The following NUP210L variants were observed in gnomAD, a reference collection of about 807,000 sequenced individuals.
NUP210L encodes nucleoporin 210 like.
NUP210L carries 74 observed loss-of-function variants against 208.5 expected under a neutral mutation model. The observed-to-expected ratio is 0.35, with a 90% CI of 0.29 to 0.43. The LOEUF (loss-of-function observed/expected upper bound fraction) is 0.43. Among genes scored for constraint, NUP210L ranks in the 20% least tolerant of loss-of-function variants. The probability of loss-of-function intolerance (pLI) is 1.00; values close to 1 mark genes in which losing one functional copy is unlikely to be tolerated. For synonymous variants in NUP210L, 780 were observed against 816.9 expected (o/e 0.95, Z 0.77); for missense variants, 1,843 against 2,289.4 (o/e 0.81, Z 3.98).
chr1:154,049,113 T>G (rs1653349960), intron 25 of NUP210L, among the ~76,000 whole-genome samples: 1 of 152,204 alleles, frequency 6.6e-6, no homozygotes, highest in Non-Finnish European at 1.5e-5. Flanking sequence ...TCTACAGCAC[T>G]GGCCATCTGT....
At chr1:154,120,851 A>T (rs1657582352) in intron 10 of NUP210L, among the ~76,000 whole-genome samples, 1 of 145,968 alleles carries the variant, frequency 6.9e-6, no homozygotes, top group African/African-American at 2.5e-5. Flanking sequence ...AGCTGACATC[A>T]CACCATTGCA....
intron 37 of NUP210L, among the ~76,000 whole-genome samples, chr1:154,000,172 G>A (rs1269958563): frequency 6.6e-6 from 1 of 152,054 alleles, no homozygotes; most frequent in African/African-American, 2.4e-5. Context: ...ATAAAATTTA[G>A]GTAGTGTTAA....
At chr1:154,006,006 G>C (rs1461878563) in intron 35 of NUP210L, among the ~76,000 whole-genome samples, 1 of 152,070 alleles carries the variant, frequency 6.6e-6, no homozygotes, top group East Asian at 1.9e-4. Context: ...ACAGGCATGA[G>C]CCACCGCGCC....
intron 16 of NUP210L, among the ~76,000 whole-genome samples, chr1:154,076,294 G>T (rs1248925873): frequency 6.6e-6 from 1 of 151,624 alleles, no homozygotes; most frequent in East Asian, 1.9e-4. Flanking sequence ...AGTAGAGACA[G>T]GGTTTCATCA....
At chr1:154,003,932 G>A (rs1650354676) in intron 35 of NUP210L, among the ~76,000 whole-genome samples, 1 of 152,010 alleles carries the variant, frequency 6.6e-6, no homozygotes, top group Admixed American at 6.6e-5. Context: ...ATGCATGCTT[G>A]GATTATTGCA....
At chr1:154,014,352 A>G (rs1651124881) in intron 33 of NUP210L, among the ~76,000 whole-genome samples, 1 of 152,048 alleles carries the variant, frequency 6.6e-6, no homozygotes, top group Non-Finnish European at 1.5e-5. Flanking sequence ...CTAACACCAC[A>G]ACCATTTCCT....
intron 17 of NUP210L, among the ~76,000 whole-genome samples, chr1:154,063,370 T>G (rs563081041): frequency 6.6e-6 from 1 of 152,274 alleles, no homozygotes; most frequent in Non-Finnish European, 1.5e-5. Context: ...ATGACAAGCT[T>G]TGTCATAGTT....
intron 22 of NUP210L, among the ~76,000 whole-genome samples, chr1:154,057,689 A>AAT (rs1553229326): frequency 1.4e-5 from 1 of 70,346 alleles, no homozygotes; most frequent in Non-Finnish European, 3.4e-5. Context: ...GAGGACCTCG[A>AAT]ATGTGTGTGT....
At chr1:154,088,290 T>A (rs2148042875) in intron 16 of NUP210L, among the ~76,000 whole-genome samples, 1 of 151,372 alleles carries the variant, frequency 6.6e-6, no homozygotes, top group South Asian at 2.1e-4. Flanking sequence ...GATGGTGCCA[T>A]GTGCTCCAGC....
At chr1:154,054,657 G>C in intron 24 of NUP210L, 113 bp downstream of exon 24, 2 of 842,242 alleles carry the variant, frequency 2.4e-6, no homozygotes, top group East Asian at 2.6e-5. Flanking sequence ...AGATCCACTA[G>C]TACTTGGGTG....
intron 15 of NUP210L, among the ~76,000 whole-genome samples, chr1:154,090,215 G>GAAAA (rs61444934): frequency 2.8e-5 from 4 of 140,556 alleles, no homozygotes; most frequent in Non-Finnish European, 6.2e-5. Flanking sequence ...CCTGTCTCAG[G>GAAAA]AAAAAAAAAA....
chr1:154,099,572 A>G, intron 14 of NUP210L, among the ~76,000 whole-genome samples: 1 of 152,294 alleles, frequency 6.6e-6, no homozygotes, highest in South Asian at 2.1e-4. Context: ...AAGATGATTG[A>G]CTTCCTTCCA....
At chr1:154,058,020 GACCAGGT>G (rs1292643945) in intron 22 of NUP210L, 62 bp downstream of exon 22, 6 of 1,538,928 alleles carry the variant, frequency 3.9e-6, no homozygotes, top group Non-Finnish European at 5.3e-6. Flanking sequence ...AGGGAAAGCT[GACCAGGT>G]CACTAGGAGG....
chr1:154,042,122 C>G (rs533267586), intron 27 of NUP210L, among the ~76,000 whole-genome samples: 3 of 151,086 alleles, frequency 2.0e-5, no homozygotes, highest in African/African-American at 7.3e-5. Context: ...TTTTCTGAGA[C>G]AGGGTCTCAC....
At chr1:154,035,998 G>A (rs1041892107) in intron 27 of NUP210L, among the ~76,000 whole-genome samples, 2 of 152,094 alleles carry the variant, frequency 1.3e-5, no homozygotes, top group Non-Finnish European at 2.9e-5. Flanking sequence ...CTCCCAAAGT[G>A]CTGGGATTAC....
At chr1:154,047,582 A>G (rs1350993273) in intron 25 of NUP210L, among the ~76,000 whole-genome samples, 6 of 152,210 alleles carry the variant, frequency 3.9e-5, no homozygotes, top group Non-Finnish European at 8.8e-5. Context: ...TCTGTGCCTT[A>G]AGGACATGTT....
intron 12 of NUP210L, among the ~76,000 whole-genome samples, chr1:154,116,152 G>T (rs1395669837): frequency 6.6e-6 from 1 of 151,810 alleles, no homozygotes; most frequent in South Asian, 2.1e-4. Flanking sequence ...CTACTCGGGA[G>T]GCTGAGGCAG....
chr1:154,034,995 C>A (rs1008736081), intron 27 of NUP210L, among the ~76,000 whole-genome samples: 31 of 152,096 alleles, frequency 2.0e-4, no homozygotes, highest in Middle Eastern at 3.4e-3. Context: ...GTGTGTACCA[C>A]CATGCCTGGC....
rs564407647 is a variant in NUP210L at position 154,072,611 on chromosome 1, C to T, written c.2362-2146G>A. Among the ~76,000 whole-genome samples, 35 of 152,130 alleles carry T rather than the reference C, an allele frequency of 2.3e-4. 1 individual carries two copies. The highest frequency in any genetic ancestry group is 3.3e-4 in the Admixed American group (5 of 15,276). ...CCTCCCAAAGTGTTGGGATTACAGG[C>T]GTGAGCCACCGCGCCTGGCAATTAT... On this transcript the variant is annotated intron_variant, in intron 16 of 39. Transcript: ENST00000368559.
Sources: allele counts gnomAD v4.1 joint callset (sites outside exome capture counted in the v4.1 genomes callset), GRCh38; gene constraint gnomAD v4.1.1; transcripts MANE v1.5; gene names NCBI Gene and HGNC (gene_info 2026-07-23, HGNC 2026-07-21).